The following DEPDC4 variants were observed in gnomAD, a reference collection of about 807,000 sequenced individuals.
The protein encoded by DEPDC4 is DEP domain-containing protein 4.
In DEPDC4, 52 loss-of-function variants were observed where a neutral mutation model predicts 52.0. That is an observed-to-expected ratio of 1.00 (90% CI 0.80 to 1.26). DEPDC4 has a LOEUF of 1.26. DEPDC4 is among the 50% of genes most tolerant of loss of function. The pLI, the probability that DEPDC4 is intolerant of heterozygous loss-of-function variation, is 0.00. For missense variants in DEPDC4, 530 were observed against 546.9 expected (o/e 0.97, Z 0.31); for synonymous variants, 201 against 196.8 (o/e 1.02, Z -0.18).
Position 100,240,331 on chromosome 12 carries a change from T to C in DEPDC4, c.*1561A>G, listed in dbSNP as rs1177793277. Among the ~76,000 whole-genome samples the C allele has an allele frequency of 6.6e-6, 1 of 152,060 alleles. No homozygotes were observed. Among genetic ancestry groups the C allele is most frequent in the Non-Finnish European group, 1.5e-5 (1 of 68,016 alleles). On this transcript the variant is annotated 3_prime_UTR_variant, in exon 10 of 10. Transcript: ENST00000550587. ...TGCCACACCTGGCTAAATTTTTTTTTTGTAGTTTTTGTAGAGATAGGGGCA... is the reference window on the plus strand; with the variant it reads ...TGCCACACCTGGCTAAATTTTTTTTCTGTAGTTTTTGTAGAGATAGGGGCA...
intron 1 of DEPDC4, among the ~76,000 whole-genome samples, chr12:100,266,497 A>T (rs2096274038): frequency 6.6e-6 from 1 of 152,142 alleles, no homozygotes; most frequent in Non-Finnish European, 1.5e-5. Context: ...AGTAGGCTAG[A>T]TTAAAGAAAT....
intron 3 of DEPDC4, among the ~76,000 whole-genome samples, chr12:100,257,385 ATTTAT>A (rs1391095676): frequency 9.0e-6 from 1 of 110,598 alleles, no homozygotes; most frequent in African/African-American, 3.6e-5. Context: ...GCCTGTTTTT[ATTTAT>A]TTATTTATTT....
intron 4 of DEPDC4, 102 bp from the exon 5 acceptor site, chr12:100,253,817 G>T: frequency 1.8e-6 from 1 of 542,836 alleles, no homozygotes; most frequent in Non-Finnish European, 2.9e-6. Flanking sequence ...ATTTAAGCTA[G>T]ATAAATCTAA....
chr12:100,241,692 T>C lies in DEPDC4; in HGVS notation c.*200A>G, dbSNP rs1323638379. 6 of 1,253,524 alleles carry C rather than the reference T, an allele frequency of 4.8e-6. No individual in the cohort carries two copies. In the South Asian group the frequency reaches 5.5e-5, roughly 11 times the overall value. 77.7% of individuals were successfully genotyped at this position (1,253,524 alleles called of 1,614,324 possible). A position where few individuals can be genotyped will look rare whatever the true frequency, so the allele number is the denominator to read the frequency against. ...ATGTTAATTCAAAGCTTCTGGATGG[T>C]GTTTTTGAAATTCCTTAATTAATTT... On this transcript the variant is annotated 3_prime_UTR_variant, in exon 10 of 10. Transcript: ENST00000550587.
upstream of DEPDC4, among the ~76,000 whole-genome samples, chr12:100,269,987 C>CTT (rs548843835): frequency 4.2e-5 from 6 of 142,996 alleles, no homozygotes; most frequent in South Asian, 2.2e-4. Flanking sequence ...AGATTTTATA[C>CTT]TTTTTTTTTT....
At chr12:100,237,465 C>T (rs1482133703), downstream of DEPDC4, among the ~76,000 whole-genome samples, 5 of 152,152 alleles carry the variant, frequency 3.3e-5, no homozygotes, top group African/African-American at 7.2e-5. Flanking sequence ...ACCTTGGCCT[C>T]CCAAAGTGCT....
At chr12:100,264,012 C>T (rs937698358) in intron 1 of DEPDC4, 119 bp from the exon 2 acceptor site, 13 of 852,832 alleles carry the variant, frequency 1.5e-5, no homozygotes, top group South Asian at 5.7e-5. Context: ...GTCCTTCTTA[C>T]GTGTCATCTC....
intron 3 of DEPDC4, among the ~76,000 whole-genome samples, chr12:100,261,171 A>G (rs866110364): frequency 2.2e-5 from 3 of 137,158 alleles, no homozygotes; most frequent in African/African-American, 8.5e-5. Flanking sequence ...ACAGAGCGAG[A>G]CTCCGTCTCA....
intron 5 of DEPDC4, 59 bp from the exon 6 acceptor site, chr12:100,252,595 G>C: frequency 6.8e-7 from 1 of 1,477,394 alleles, no homozygotes; most frequent in Non-Finnish European, 9.1e-7. Flanking sequence ...AGTATAGTAA[G>C]TATTTACTTA....
chr12:100,264,439 G>A (rs1000636505), intron 1 of DEPDC4, among the ~76,000 whole-genome samples: 5 of 152,148 alleles, frequency 3.3e-5, no homozygotes, highest in African/African-American at 4.8e-5. Flanking sequence ...AGCATTTTCA[G>A]AAGCCGAGGC....
rs751831080 is a variant in DEPDC4 at position 100,252,398 on chromosome 12, T to G, written c.1244A>C (p.Lys415Thr). 6 of 1,554,596 alleles carry G rather than the reference T, an allele frequency of 3.9e-6. No individual in the cohort carries two copies. In the African/African-American group the frequency reaches 6.8e-5, roughly 18 times the overall value. The change falls in exon 6 of 10, where the codon AAA (lysine) becomes ACA (threonine). Residue 415 changes from lysine to threonine, a missense_variant. Transcript: ENST00000550587. ...ASEPNAYKLQ[K>T]QYDNKTVVLK... is the part of the protein sequence containing the mutation. ...ACTTATTGCAAAATTTTTCACCTGT[T>G]TTTGCAACTTGTAGGCATTGGGCTC...
In DEPDC4 at chr12:100,267,028, T is replaced by A; in HGVS notation, c.49A>T (p.Thr17Ser). 6.2e-7 allele frequency: 1 copy of A among 1,613,386 alleles called. No individual in the cohort carries two copies. Among genetic ancestry groups the A allele is most frequent in the Non-Finnish European group, 8.5e-7 (1 of 1,179,764 alleles). ...CTGACAAGTCTACGGAACCTCGGAG[T>A]CAAAAGAACCGCCATAAGCTCGCGC... ...PARELMAVLL[T>S]PRFRRLVSQN... The change falls in exon 1 of 10, where the codon ACT becomes TCT. Residue 17 changes from threonine to serine, a missense_variant. Transcript: ENST00000550587.
At chr12:100,237,089 T>C (rs1371071943), downstream of DEPDC4, among the ~76,000 whole-genome samples, 1 of 152,180 alleles carries the variant, frequency 6.6e-6, no homozygotes, top group Non-Finnish European at 1.5e-5. Context: ...ACTATGGCCT[T>C]ATAGTATAGT....
intron 8 of DEPDC4, among the ~76,000 whole-genome samples, chr12:100,245,541 A>C (rs2096181531): frequency 6.6e-6 from 1 of 152,278 alleles, no homozygotes; most frequent in Non-Finnish European, 1.5e-5. Flanking sequence ...CTGGGATTAC[A>C]GGCATGAGCC....
chr12:100,258,899 T>C (rs1164412138), intron 3 of DEPDC4, among the ~76,000 whole-genome samples: 1 of 151,916 alleles, frequency 6.6e-6, no homozygotes, highest in Non-Finnish European at 1.5e-5. Context: ...GGTGAAACTG[T>C]GACTCTACTA....
At chr12:100,268,276 G>T (rs1422409545), upstream of DEPDC4, among the ~76,000 whole-genome samples, 1 of 152,112 alleles carries the variant, frequency 6.6e-6, no homozygotes, top group African/African-American at 2.4e-5. Flanking sequence ...GCCTATCTCC[G>T]TTCTGAAAAA....
the DEPDC4 span, among the ~76,000 whole-genome samples, chr12:100,276,820 A>G: frequency 4.0e-5 from 6 of 151,550 alleles, no homozygotes; most frequent in African/African-American, 1.5e-4. Flanking sequence ...CTCTTTTTCT[A>G]GCTTCCTAAG....
At position 100,249,031 on chromosome 12, in the gene DEPDC4, C is replaced by T. The variant is rs192448580; in HGVS notation, c.1375-53G>A. Reference sequence around the variant, plus strand: ...TTTAATATGATTTTTTTCTAGCCAGCATTTCAACATAGAAAGAAAAACATC... The same window carrying T: ...TTTAATATGATTTTTTTCTAGCCAGTATTTCAACATAGAAAGAAAAACATC... On this transcript the variant is annotated intron_variant, in intron 7 of 9. Transcript: ENST00000550587. The T allele has an allele frequency of 4.6e-4, 346 of 756,622 alleles. No individual in the cohort carries two copies. In the African/African-American group the frequency reaches 6.1e-3, roughly 13 times the overall value. The allele number at this position is 756,622 out of a possible 1,614,324, so 46.9% of individuals were successfully genotyped here.
At chr12:100,275,384 T>TG in the DEPDC4 span, among the ~76,000 whole-genome samples, 3 of 152,094 alleles carry the variant, frequency 2.0e-5, no homozygotes, top group Non-Finnish European at 4.4e-5. Context: ...AAAAACTTTT[T>TG]GGAGTCTTGA....
Sources: allele counts gnomAD v4.1 joint callset (sites outside exome capture counted in the v4.1 genomes callset), GRCh38; gene constraint gnomAD v4.1.1; transcripts MANE v1.5; gene names NCBI Gene and HGNC (gene_info 2026-07-23, HGNC 2026-07-21).